Variants in AKR1E2 observed in about 807,000 individuals in gnomAD.
The protein encoded by AKR1E2 is 1,5-anhydro-D-fructose reductase.
Under a neutral mutation model 41.9 loss-of-function variants are expected in AKR1E2, and 43 were observed. The ratio of observed to expected loss-of-function variants is 1.03; its 90% CI spans 0.80 to 1.32. The LOEUF (loss-of-function observed/expected upper bound fraction) is 1.32. AKR1E2 is among the 40% of genes most tolerant of loss of function. The pLI is 0.00. For synonymous variants in AKR1E2, 121 were observed against 138.9 expected, an observed-to-expected ratio of 0.87 and a Z score of 0.91; for missense variants, 423 against 396.5, an observed-to-expected ratio of 1.07 and a Z score of -0.57.
intron 8 of AKR1E2, 22 bp downstream of exon 8, chr10:4,842,526 T>G: frequency 6.2e-7 from 1 of 1,609,102 alleles, no homozygotes; most frequent in Non-Finnish European, 8.5e-7. Context: ...CCTTCTTTTA[T>G]TTGGCGGGTT....
intron 8 of AKR1E2, among the ~76,000 whole-genome samples, chr10:4,843,573 T>G (rs1180368447): frequency 6.6e-6 from 1 of 152,230 alleles, no homozygotes; most frequent in Non-Finnish European, 1.5e-5. Flanking sequence ...AAGGCACTGC[T>G]GCATCCTGAG....
At position 4,837,456 on chromosome 10, in the gene AKR1E2, T is replaced by C. The variant is rs1423196743; in HGVS notation, c.460-3T>C. 1.2e-6 allele frequency: 2 copies of C among 1,614,096 alleles called. No individual in the cohort carries two copies. The highest frequency in any genetic ancestry group is 1.7e-4 in the Middle Eastern group (1 of 6,060). The stretch of plus-strand genomic sequence containing the variant: ...CACACCCAGCAGAGTCGTTCTCTTA[T>C]AGGCCATGGAGGACCTGGTGATCAC... On this transcript the variant is annotated splice_polypyrimidine_tract_variant and splice_region_variant and intron_variant, in intron 4 of 9. Transcript: ENST00000298375.
At chr10:4,836,376 T>C (rs950277395) in intron 4 of AKR1E2, among the ~76,000 whole-genome samples, 1 of 151,072 alleles carries the variant, frequency 6.6e-6, no homozygotes, top group African/African-American at 2.4e-5. Context: ...ATTAAGGGGG[T>C]GGTGGATTTG....
the AKR1E2 span, among the ~76,000 whole-genome samples, chr10:4,864,786 A>G: frequency 6.6e-6 from 1 of 152,250 alleles, no homozygotes; most frequent in African/African-American, 2.4e-5. Context: ...TCAATGTGCA[A>G]AAATCACAAG....
chr10:4,830,828 T>C lies in AKR1E2; in HGVS notation c.193T>C (p.Phe65Leu). The C allele has an allele frequency of 6.2e-7, 1 of 1,614,106 alleles. No homozygotes were observed. Among genetic ancestry groups the C allele is most frequent in the East Asian group, 2.2e-5 (1 of 44,876 alleles). ...KEGAVRREDL[F>L]IATKLWCTCH... ...AGGCGCTGTAAGACGGGAGGATCTG[T>C]TCATTGCCACTAAGGTAGGGCTTCT... is the stretch of plus-strand genomic sequence containing the variant. The change falls in exon 2 of 10, where the codon TTC (phenylalanine) becomes CTC (leucine). Residue 65 changes from phenylalanine to leucine, a missense_variant. Coordinates refer to ENST00000298375, the MANE Select transcript of AKR1E2 (RefSeq NM_001040177.3).
chr10:4,870,096 C>T, the AKR1E2 span, among the ~76,000 whole-genome samples: 5 of 152,084 alleles, frequency 3.3e-5, no homozygotes, highest in African/African-American at 1.2e-4. Context: ...TGGTGTTTCT[C>T]TTTGTATAGC....
intron 1 of AKR1E2, among the ~76,000 whole-genome samples, chr10:4,828,645 C>T (rs1832731056): frequency 6.6e-6 from 1 of 152,170 alleles, no homozygotes; most frequent in South Asian, 2.1e-4. Context: ...TGTAGACCAG[C>T]TTGGAGATAA....
the AKR1E2 span, among the ~76,000 whole-genome samples, chr10:4,869,243 G>A: frequency 6.6e-6 from 1 of 152,150 alleles, no homozygotes; most frequent in Non-Finnish European, 1.5e-5. Context: ...TTTTATGTTG[G>A]GTGAGTTGTG....
chr10:4,832,109 G>A (rs146184640), intron 2 of AKR1E2, among the ~76,000 whole-genome samples: 226 of 36,254 alleles, frequency 6.2e-3, no homozygotes, highest in Non-Finnish European at 0.021. Context: ...CTTTTGATTT[G>A]GAAGCAGAAT....
At chr10:4,840,367 T>G (rs925782972) in intron 6 of AKR1E2, among the ~76,000 whole-genome samples, 27 of 152,330 alleles carry the variant, frequency 1.8e-4, no homozygotes, top group Admixed American at 3.9e-4. Flanking sequence ...TGTTTCATGA[T>G]TTCATTTCTG....
At chr10:4,829,339 G>A (rs993059456) in intron 1 of AKR1E2, among the ~76,000 whole-genome samples, 11 of 152,176 alleles carry the variant, frequency 7.2e-5, no homozygotes, top group Admixed American at 6.5e-5. Flanking sequence ...CACTCAACAT[G>A]GGTGTGGTAT....
chr10:4,866,680 G>T, the AKR1E2 span, among the ~76,000 whole-genome samples: 5 of 137,664 alleles, frequency 3.6e-5, 1 homozygote, highest in South Asian at 1.2e-3. Context: ...TCTCGCTGTC[G>T]CCCAGGCTGG....
chr10:4,825,966 T>A (rs78832739), upstream of AKR1E2, among the ~76,000 whole-genome samples: 1 of 152,156 alleles, frequency 6.6e-6, no homozygotes, highest in Non-Finnish European at 1.5e-5. Context: ...TTGTAAAACC[T>A]TCCCTGCTCC....
intron 1 of AKR1E2, among the ~76,000 whole-genome samples, chr10:4,827,434 C>G (rs956181347): frequency 7.0e-6 from 1 of 141,948 alleles, no homozygotes; most frequent in Non-Finnish European, 1.6e-5. Context: ...GTGTTTGAAA[C>G]TTTGTACCCT....
chr10:4,843,935 C>T (rs2131560289), intron 8 of AKR1E2, among the ~76,000 whole-genome samples: 1 of 152,338 alleles, frequency 6.6e-6, no homozygotes, highest in African/African-American at 2.4e-5. Flanking sequence ...ACTGTAAACT[C>T]AGTTCTCTCC....
At position 4,839,596 on chromosome 10, in the gene AKR1E2, G is replaced by A. The variant is rs35820298; in HGVS notation, c.583-133G>A. 6.6e-6 allele frequency: 5 copies of A among 762,578 alleles called. No individual in the cohort carries two copies. The Admixed American group carries it at 8.4e-5, about 13-fold the overall frequency. 47.2% of individuals were successfully genotyped at this position (762,578 alleles called of 1,614,324 possible). On this transcript the variant is annotated intron_variant, in intron 5 of 9. Coordinates refer to ENST00000298375, the MANE Select transcript of AKR1E2 (RefSeq NM_001040177.3). ...TGCTCTGTCCAGACTCCTCACAACA[G>A]AAACACTTAGGCCTGGAGCTGGGCC...
At chr10:4,844,453 T>G (rs530109131) in intron 8 of AKR1E2, among the ~76,000 whole-genome samples, 84 of 152,306 alleles carry the variant, frequency 5.5e-4, no homozygotes, top group African/African-American at 1.9e-3. Context: ...CGGGAGTGGG[T>G]TGCCAGTGCT....
At chr10:4,834,658 A>G (rs1833258448) in intron 3 of AKR1E2, among the ~76,000 whole-genome samples, 1 of 152,226 alleles carries the variant, frequency 6.6e-6, no homozygotes, top group Non-Finnish European at 1.5e-5. Flanking sequence ...AGAAAGTTTA[A>G]GGTTTAAGTT....
At chr10:4,825,923 T>C (rs1277935916), upstream of AKR1E2, among the ~76,000 whole-genome samples, 4 of 152,000 alleles carry the variant, frequency 2.6e-5, no homozygotes, top group African/African-American at 9.7e-5. Context: ...AGGTCACACC[T>C]AAGGTGGGGG....
Sources: allele counts gnomAD v4.1 joint callset (sites outside exome capture counted in the v4.1 genomes callset), GRCh38; gene constraint gnomAD v4.1.1; transcripts MANE v1.5; gene names NCBI Gene and HGNC (gene_info 2026-07-23, HGNC 2026-07-21).